Variants in NAV3 observed in about 807,000 individuals in gnomAD.
NAV3 encodes neuron navigator 3, also known as pore membrane and/or filament interacting like protein 1.
A neutral mutation model predicts 244.7 loss-of-function variants in NAV3; 87 were observed. That is an observed-to-expected ratio of 0.36 (90% CI 0.30 to 0.42). The LOEUF (loss-of-function observed/expected upper bound fraction) is 0.42, where lower values mean the gene tolerates loss of function less well. NAV3 is among the 20% of genes least tolerant of loss of function. NAV3 has a pLI of 1.00. For missense variants in NAV3, 2,663 were observed against 2,893.3 expected (o/e 0.92, Z 1.83); for synonymous variants, 1,126 against 1,042.2 (o/e 1.08, Z -1.55).
chr12:78,039,283 A>C (rs1880448346), intron 9 of NAV3, among the ~76,000 whole-genome samples: 1 of 152,160 alleles, frequency 6.6e-6, no homozygotes. Context: ...TTTACGACTC[A>C]AAATGGCCTC....
At chr12:77,827,987 G>A (rs770639769), upstream of NAV3, among the ~76,000 whole-genome samples, 8 of 152,082 alleles carry the variant, frequency 5.3e-5, no homozygotes, top group Admixed American at 1.3e-4. Context: ...GAATCAATTC[G>A]CTTAAATATG....
rs553670685 is a variant in NAV3, at chr12:78,210,599, G to T, written c.*82G>T. ...AGGTATTTTCACTAAACCACTGCCA[G>T]TATAAAAGCACCCTGTCAAGGGCCC... is the stretch of plus-strand genomic sequence containing the variant. On this transcript the variant is annotated 3_prime_UTR_variant, in exon 40 of 40. Coordinates refer to ENST00000397909, the MANE Select transcript of NAV3 (RefSeq NM_001024383.2). 2 of 1,510,816 alleles carry T rather than the reference G, an allele frequency of 1.3e-6. No homozygotes were observed. Among genetic ancestry groups the T allele is most frequent in the Non-Finnish European group, 8.9e-7 (1 of 1,121,312 alleles). 93.6% of individuals were successfully genotyped at this position (1,510,816 alleles called of 1,614,324 possible). A position where few individuals can be genotyped will look rare whatever the true frequency, so the allele number is the denominator to read the frequency against.
At chr12:78,177,730 T>C (rs1199731104) in intron 28 of NAV3, 45 bp downstream of exon 28, 2 of 1,545,398 alleles carry the variant, frequency 1.3e-6, no homozygotes, top group Non-Finnish European at 1.8e-6. Context: ...ATCCAGGTTC[T>C]AACCTAAGTA....
intron 2 of NAV3, among the ~76,000 whole-genome samples, chr12:77,645,489 A>G (rs899108501): frequency 5.6e-5 from 8 of 142,716 alleles, no homozygotes; most frequent in Non-Finnish European, 7.5e-5. Context: ...AGGCAGTTTG[A>G]GCATTTAAGG....
At chr12:77,749,613 CT>C (rs1420117708) in intron 2 of NAV3, among the ~76,000 whole-genome samples, 1 of 151,814 alleles carries the variant, frequency 6.6e-6, no homozygotes, top group Non-Finnish European at 1.5e-5. Context: ...TTCAGCTAGG[CT>C]TTTTTTAATG....
chr12:77,653,353 C>G (rs142353306), intron 2 of NAV3, among the ~76,000 whole-genome samples: 2 of 151,972 alleles, frequency 1.3e-5, no homozygotes, highest in African/African-American at 4.8e-5. Flanking sequence ...TCAGTAGAAC[C>G]CTAAAGAAAA....
intron 1 of NAV3, among the ~76,000 whole-genome samples, chr12:77,875,764 C>T (rs1881762634): frequency 6.6e-6 from 1 of 151,932 alleles, no homozygotes; most frequent in South Asian, 2.1e-4. Context: ...AATAATTAGT[C>T]TCTAATGTGC....
At chr12:77,935,872 A>C (rs756757931) in intron 1 of NAV3, among the ~76,000 whole-genome samples, 1 of 152,178 alleles carries the variant, frequency 6.6e-6, no homozygotes, top group Non-Finnish European at 1.5e-5. Context: ...TGTGCTACGC[A>C]CTTTCAGAAA....
chr12:77,661,395 G>C (rs1298947920), intron 2 of NAV3, among the ~76,000 whole-genome samples: 1 of 151,998 alleles, frequency 6.6e-6, no homozygotes, highest in African/African-American at 2.4e-5. Flanking sequence ...TATATGCTCA[G>C]ATATTTTGCC....
intron 28 of NAV3, among the ~76,000 whole-genome samples, chr12:78,178,980 T>C (rs1448465872): frequency 6.6e-6 from 1 of 152,110 alleles, no homozygotes; most frequent in African/African-American, 2.4e-5. Flanking sequence ...GGAGGTTATA[T>C]AACTCACCCA....
At chr12:77,989,865 C>T (rs1871158711) in intron 5 of NAV3, among the ~76,000 whole-genome samples, 1 of 151,982 alleles carries the variant, frequency 6.6e-6, no homozygotes, top group Non-Finnish European at 1.5e-5. Context: ...TCTTATTCTG[C>T]TTTTTTAAAA....
At chr12:78,021,893 C>A (rs909342054) in intron 9 of NAV3, 31 bp downstream of exon 9, 1 of 1,389,360 alleles carries the variant, frequency 7.2e-7, no homozygotes, top group Non-Finnish European at 1.0e-6. Context: ...ATAGGTCAAA[C>A]CTAGGAATTT....
chr12:77,851,301 C>T (rs1877486876), intron 1 of NAV3, among the ~76,000 whole-genome samples: 1 of 152,200 alleles, frequency 6.6e-6, no homozygotes, highest in Non-Finnish European at 1.5e-5. Context: ...AATACCCCTT[C>T]TGAATCCCCT....
At position 77,792,264 on chromosome 12, in the gene NAV3, A is replaced by G. The variant is rs147336615; in HGVS notation, c.73-148055A>G. Among the ~76,000 whole-genome samples, 696 of 152,298 alleles carry G rather than the reference A, an allele frequency of 4.6e-3. 5 individuals are homozygous for G. Among genetic ancestry groups the G allele is most frequent in the African/African-American group, 0.015 (642 of 41,568 alleles). Reference sequence around the variant, plus strand: ...AGTTCACAAACTCAGGTGGGCAAGAAATAAAACAACCTTTGCTTTATAAGT... The same window carrying G: ...AGTTCACAAACTCAGGTGGGCAAGAGATAAAACAACCTTTGCTTTATAAGT... On this transcript the variant is annotated intron_variant, in intron 2 of 8. Coordinates refer to the NAV3 transcript ENST00000550042.
intron 1 of NAV3, among the ~76,000 whole-genome samples, chr12:77,917,949 T>C (rs1887322712): frequency 6.6e-6 from 1 of 152,068 alleles, no homozygotes; most frequent in African/African-American, 2.4e-5. Flanking sequence ...ACTTCTCTTC[T>C]TAAAGGTAGA....
At chr12:78,185,750 G>A (rs758271562) in intron 31 of NAV3, 52 bp downstream of exon 31, 13 of 1,464,912 alleles carry the variant, frequency 8.9e-6, no homozygotes, top group Middle Eastern at 2.4e-4. Context: ...ATTACCATGA[G>A]TCAAGTGTAT....
chr12:77,859,047 A>G (rs1878810233), intron 1 of NAV3, among the ~76,000 whole-genome samples: 1 of 152,122 alleles, frequency 6.6e-6, no homozygotes, highest in Non-Finnish European at 1.5e-5. Context: ...TATAAAAAGT[A>G]TAGATCCTCA....
chr12:77,617,838 C>A (rs1387143774), intron 2 of NAV3, among the ~76,000 whole-genome samples: 2 of 152,160 alleles, frequency 1.3e-5, no homozygotes, highest in Admixed American at 6.6e-5. Flanking sequence ...CACCAGTATG[C>A]AAGACCTGAA....
At chr12:77,740,477 T>A (rs969868503) in intron 2 of NAV3, among the ~76,000 whole-genome samples, 3 of 151,836 alleles carry the variant, frequency 2.0e-5, no homozygotes, top group Non-Finnish European at 2.9e-5. Context: ...GTGGTGTTTG[T>A]GGGGTGGTGG....
Sources: gnomAD v4.1 joint callset for allele counts (sites outside exome capture counted in the v4.1 genomes callset) on GRCh38, gnomAD v4.1.1 for gene constraint, MANE v1.5 for transcripts, NCBI Gene and HGNC (gene_info 2026-07-23, HGNC 2026-07-21) for gene names.